KCNN3: variants seen among roughly 807,000 people sequenced by gnomAD.
The protein encoded by KCNN3 is potassium calcium-activated channel subfamily N member 3, also known as small conductance calcium-activated potassium channel protein 3.
A neutral mutation model predicts 62.9 loss-of-function variants in KCNN3; 16 were observed. The ratio of observed to expected loss-of-function variants is 0.25; its 90% CI spans 0.17 to 0.39. The LOEUF (loss-of-function observed/expected upper bound fraction) is 0.39. KCNN3 is among the 10% of genes least tolerant of loss of function. KCNN3 has a pLI of 1.00. For synonymous variants in KCNN3, 370 were observed against 389.2 expected (o/e 0.95, Z 0.58); for missense variants, 599 against 949.4 (o/e 0.63, Z 4.85).
At position 154,830,582 on chromosome 1, in the gene KCNN3, G is replaced by A. The variant is rs140829605; in HGVS notation, c.934-8398C>T. On this transcript the variant is annotated intron_variant, in intron 1 of 7. Transcript: ENST00000271915. ...AAACTAGGCAGATAATACTTGTGGC[G>A]TGAAGGAAGCCAGTGGTCTCGACAC... Among the ~76,000 whole-genome samples the A allele has an allele frequency of 2.8e-3, 432 of 152,342 alleles. 2 individuals are homozygous for A. The highest frequency in any genetic ancestry group is 4.7e-3 in the Non-Finnish European group (323 of 68,024).
At chr1:154,778,748 C>G (rs1648899012) in intron 2 of KCNN3, among the ~76,000 whole-genome samples, 1 of 151,350 alleles carries the variant, frequency 6.6e-6, no homozygotes, top group South Asian at 2.1e-4. Context: ...ATAACAGGCA[C>G]CCACAACCAC....
intron 2 of KCNN3, among the ~76,000 whole-genome samples, chr1:154,774,630 C>A (rs1648715945): frequency 6.6e-6 from 1 of 152,246 alleles, no homozygotes; most frequent in Non-Finnish European, 1.5e-5. Flanking sequence ...GGGTCCTTGG[C>A]CCTCCAGCAG....
intron 3 of KCNN3, among the ~76,000 whole-genome samples, chr1:154,755,800 G>GCAA: frequency 7.0e-6 from 1 of 142,694 alleles, no homozygotes; most frequent in African/African-American, 2.6e-5. Context: ...AGGAGGAGGA[G>GCAA]GAAGAAGAAG....
chr1:154,713,601 C>A, intron 6 of KCNN3, 68 bp from the exon 7 acceptor site: 1 of 1,282,492 alleles, frequency 7.8e-7, no homozygotes, highest in Non-Finnish European at 1.1e-6. Context: ...ACCAGCAGAT[C>A]CTCCAGCCCT....
chr1:154,741,285 T>G (rs1700817528), intron 3 of KCNN3, among the ~76,000 whole-genome samples: 1 of 152,246 alleles, frequency 6.6e-6, no homozygotes, highest in African/African-American at 2.4e-5. Context: ...CTTGGTTCTC[T>G]ATTCTGTTCC....
chr1:154,759,561 G>A (rs1647905332), intron 3 of KCNN3, among the ~76,000 whole-genome samples: 3 of 152,202 alleles, frequency 2.0e-5, no homozygotes, highest in Admixed American at 6.5e-5. Flanking sequence ...TTAGGCATCC[G>A]CTGTAGGAAA....
At chr1:154,822,660 G>A (rs1340263844) in intron 1 of KCNN3, among the ~76,000 whole-genome samples, 4 of 152,208 alleles carry the variant, frequency 2.6e-5, no homozygotes, top group Non-Finnish European at 4.4e-5. Flanking sequence ...ATTCTTTCAG[G>A]AATGAATTTG....
chr1:154,777,524 C>A (rs1361628959), intron 2 of KCNN3, among the ~76,000 whole-genome samples: 2 of 152,166 alleles, frequency 1.3e-5, no homozygotes, highest in Admixed American at 6.5e-5. Context: ...TGGGAAGGGA[C>A]ACCCTCTTAT....
rs1650320870 is a variant in KCNN3, at chr1:154,809,698, A to T, written c.1029+12391T>A. On this transcript the variant is annotated intron_variant, in intron 2 of 7. Coordinates refer to ENST00000271915, the MANE Select transcript of KCNN3 (RefSeq NM_002249.6). The surrounding 1 kb of genome is among the most constrained non-coding windows in gnomAD (Gnocchi z 4.3). The stretch of plus-strand genomic sequence containing the variant: ...ACAGACTAGAATGAAGGGCTGAAAC[A>T]GCTGCAGGGAAACGTAACAGAAGAA... Among the ~76,000 whole-genome samples, 1 of 152,232 alleles carries T rather than the reference A, an allele frequency of 6.6e-6. No individual in the cohort carries two copies. Among genetic ancestry groups the T allele is most frequent in the Admixed American group, 6.5e-5 (1 of 15,290 alleles).
intron 1 of KCNN3, among the ~76,000 whole-genome samples, chr1:154,829,042 C>A (rs1052447132): frequency 2.0e-5 from 3 of 152,238 alleles, no homozygotes; most frequent in Non-Finnish European, 4.4e-5. Context: ...ACCTGCTGAG[C>A]CTGAATCCCA....
At chr1:154,830,371 G>A (rs983712171) in intron 1 of KCNN3, among the ~76,000 whole-genome samples, 5 of 152,172 alleles carry the variant, frequency 3.3e-5, no homozygotes, top group Admixed American at 6.5e-5. Flanking sequence ...TGATCCAGAG[G>A]GAACCTCAGG....
chr1:154,802,525 GCT>G (rs1650002107), intron 2 of KCNN3, among the ~76,000 whole-genome samples: 1 of 152,204 alleles, frequency 6.6e-6, no homozygotes, highest in Non-Finnish European at 1.5e-5. Context: ...TGATGTCCAA[GCT>G]CAGGGGCTCA....
intron 2 of KCNN3, among the ~76,000 whole-genome samples, chr1:154,805,408 G>A (rs888074817): frequency 6.6e-6 from 1 of 152,190 alleles, no homozygotes; most frequent in Non-Finnish European, 1.5e-5. Context: ...ATCCCTAGGG[G>A]TGGGACTCAG....
intron 2 of KCNN3, among the ~76,000 whole-genome samples, chr1:154,791,812 C>T (rs1649531268): frequency 6.6e-6 from 1 of 152,202 alleles, no homozygotes; most frequent in Non-Finnish European, 1.5e-5. Flanking sequence ...TTTTAAACTT[C>T]ACTGCTGTTT....
intron 3 of KCNN3, among the ~76,000 whole-genome samples, chr1:154,763,529 A>C (rs928851729): frequency 6.6e-6 from 1 of 152,142 alleles, no homozygotes; most frequent in African/African-American, 2.4e-5. Flanking sequence ...AGTGCACACC[A>C]TTGTGCCTGA....
chr1:154,765,796 G>T (rs79723415), intron 3 of KCNN3, among the ~76,000 whole-genome samples: 22,425 of 149,552 alleles, frequency 0.15, 1,901 homozygotes, highest in Non-Finnish European at 0.19. Context: ...GTTTTTTTTG[G>T]TTTTTTTTTG....
In KCNN3 at chr1:154,822,873, G is replaced by C. The variant is rs540737469; in HGVS notation, c.934-689C>G. The stretch of plus-strand genomic sequence containing the variant: ...CCGTGGCCTCCACTGCAGCCTTTCA[G>C]TCCCAGGGCAGCTTAGAGAAACCGA... On this transcript the variant is annotated intron_variant, in intron 1 of 7. Transcript: ENST00000271915. Among the ~76,000 whole-genome samples, 4 of 152,330 alleles carry C rather than the reference G, an allele frequency of 2.6e-5. No individual in the cohort carries two copies. In the South Asian group the frequency reaches 8.3e-4, roughly 32 times the overall value.
At chr1:154,783,200 G>A (rs868573202) in intron 2 of KCNN3, among the ~76,000 whole-genome samples, 13 of 138,222 alleles carry the variant, frequency 9.4e-5, no homozygotes, top group Middle Eastern at 3.6e-3. Flanking sequence ...GTGACAGAAC[G>A]AGACTCCATC....
intron 2 of KCNN3, among the ~76,000 whole-genome samples, chr1:154,786,648 A>G (rs1351737629): frequency 6.6e-6 from 1 of 152,382 alleles, no homozygotes; most frequent in African/African-American, 2.4e-5. Context: ...ACATTTTTGT[A>G]TAAGCACACA....
Sources: allele counts gnomAD v4.1 joint callset (sites outside exome capture counted in the v4.1 genomes callset), GRCh38; gene constraint gnomAD v4.1.1; non-coding constraint Gnocchi (gnomAD v3.1); transcripts MANE v1.5; gene names NCBI Gene and HGNC (gene_info 2026-07-23, HGNC 2026-07-21).